Variants in CPEB3 observed in about 807,000 individuals in gnomAD.
CPEB3 encodes the protein cytoplasmic polyadenylation element binding protein 3.
CPEB3 carries 20 observed loss-of-function variants against 67.2 expected under a neutral mutation model. The ratio of observed to expected loss-of-function variants is 0.30; its 90% CI spans 0.21 to 0.43. CPEB3 has a LOEUF of 0.43. CPEB3 is among the 20% of genes least tolerant of loss of function. CPEB3 has a pLI of 1.00. For missense variants in CPEB3, 746 were observed against 968.6 expected (o/e 0.77, Z 3.05); for synonymous variants, 376 against 393.1 (o/e 0.96, Z 0.51).
chr10:92,221,106 G>C (rs1850677977), intron 2 of CPEB3, among the ~76,000 whole-genome samples: 1 of 152,208 alleles, frequency 6.6e-6, no homozygotes, highest in Non-Finnish European at 1.5e-5. Flanking sequence ...CCTAAAGAGA[G>C]GAGGTCATTT....
In CPEB3 at chr10:92,052,329, C is replaced by T; in HGVS notation, c.1980G>A (p.Gln660=). The T allele has an allele frequency of 6.2e-7, 1 of 1,614,236 alleles. No individual in the cohort carries two copies. The highest frequency in any genetic ancestry group is 8.5e-7 in the Non-Finnish European group (1 of 1,180,052). ...TCGCCCAGCAGTATTCACAGTAATA[C>T]TGCAGACAGGTGACGTTGGCACAGA... ...PFFCANVTCL[Q]YYCEYCWASI... is the part of the protein sequence containing the mutation. Residue 660 remains glutamine (Q), a synonymous_variant, in exon 10 of 10, where the codon CAG becomes CAA. Transcript: ENST00000265997.
chr10:92,098,771 T>A (rs1041692153), intron 7 of CPEB3, among the ~76,000 whole-genome samples: 2 of 117,626 alleles, frequency 1.7e-5, no homozygotes, highest in Non-Finnish European at 3.3e-5. Flanking sequence ...TCTTTTTTTC[T>A]TTTTTTTTTT....
At chr10:92,121,233 T>A (rs1313289869) in intron 6 of CPEB3, among the ~76,000 whole-genome samples, 1 of 148,920 alleles carries the variant, frequency 6.7e-6, no homozygotes, top group Admixed American at 6.7e-5. Context: ...TGGTCTTGAT[T>A]TCTTGACATG....
intron 6 of CPEB3, among the ~76,000 whole-genome samples, chr10:92,126,619 T>C (rs1375664946): frequency 1.3e-5 from 2 of 152,354 alleles, no homozygotes; most frequent in East Asian, 3.8e-4. Flanking sequence ...AGATGCTAAT[T>C]TTAATATAAA....
intron 2 of CPEB3, chr10:92,204,250 A>C (rs1849673671): frequency 1.3e-5 from 2 of 151,980 alleles, no homozygotes; most frequent in African/African-American, 2.4e-5. Flanking sequence ...CAGATTCACC[A>C]GAATCTGACA....
intron 7 of CPEB3, among the ~76,000 whole-genome samples, chr10:92,110,641 ATTTAAC>A (rs1344641207): frequency 6.6e-6 from 1 of 152,200 alleles, no homozygotes; most frequent in Non-Finnish European, 1.5e-5. Flanking sequence ...AGAAGGCTCT[ATTTAAC>A]TAGCTGTGGG....
At chr10:92,170,294 C>G (rs1847942071) in intron 4 of CPEB3, among the ~76,000 whole-genome samples, 1 of 152,182 alleles carries the variant, frequency 6.6e-6, no homozygotes, top group South Asian at 2.1e-4. Context: ...AATACAACTT[C>G]TCAATATATA....
At chr10:92,204,254 T>C (rs1395369130) in intron 2 of CPEB3, 1 of 151,980 alleles carries the variant, frequency 6.6e-6, no homozygotes. Flanking sequence ...TTCACCAGAA[T>C]CTGACAGGGG....
intron 6 of CPEB3, among the ~76,000 whole-genome samples, chr10:92,131,719 C>T (rs550950592): frequency 1.3e-5 from 2 of 152,238 alleles, no homozygotes; most frequent in Admixed American, 1.3e-4. Flanking sequence ...TCCCTTGTCA[C>T]CGGATGTCTC....
intron 2 of CPEB3, among the ~76,000 whole-genome samples, chr10:92,212,299 G>C (rs1369807480): frequency 1.3e-5 from 2 of 148,648 alleles, no homozygotes; most frequent in Non-Finnish European, 3.0e-5. Context: ...CAACAAGACA[G>C]TTGTACAGTG....
chr10:92,226,918 C>T (rs1301995545), intron 2 of CPEB3, among the ~76,000 whole-genome samples: 1 of 151,992 alleles, frequency 6.6e-6, no homozygotes, highest in African/African-American at 2.4e-5. Flanking sequence ...AGATGTCCGC[C>T]CCCTCCCCCT....
intron 2 of CPEB3, among the ~76,000 whole-genome samples, chr10:92,235,578 T>C (rs1438088739): frequency 2.6e-5 from 4 of 152,252 alleles, no homozygotes; most frequent in Non-Finnish European, 4.4e-5. Context: ...CTACGCACTT[T>C]ATATTTAGTT....
At chr10:92,150,309 C>A (rs1846903311) in intron 4 of CPEB3, among the ~76,000 whole-genome samples, 1 of 149,274 alleles carries the variant, frequency 6.7e-6, no homozygotes, top group East Asian at 2.0e-4. Context: ...CCAGGTTGGT[C>A]TTGAACTCCT....
chr10:92,142,570 A>ACT (rs1001441323), intron 6 of CPEB3, among the ~76,000 whole-genome samples: 3 of 152,210 alleles, frequency 2.0e-5, no homozygotes, highest in Non-Finnish European at 4.4e-5. Context: ...AGGCTAAGTC[A>ACT]CTTAATATAC....
chr10:92,277,820 G>A (rs1251942208), intron 1 of CPEB3, among the ~76,000 whole-genome samples: 1 of 152,040 alleles, frequency 6.6e-6, no homozygotes, highest in Non-Finnish European at 1.5e-5. Flanking sequence ...GAACGCGGGA[G>A]GTGGAGGTTG....
At chr10:92,197,031 T>A (rs1019949640) in intron 2 of CPEB3, among the ~76,000 whole-genome samples, 2 of 152,032 alleles carry the variant, frequency 1.3e-5, no homozygotes, top group African/African-American at 4.8e-5. Flanking sequence ...TACCATAATA[T>A]TAGGGAGAAC....
intron 8 of CPEB3, among the ~76,000 whole-genome samples, chr10:92,082,264 CTTTGTTTG>C (rs59306760): frequency 0.019 from 2,923 of 150,852 alleles, 85 homozygotes; most frequent in African/African-American, 0.062. Context: ...CTAAATATGC[CTTTGTTTG>C]TTTGTTTGTT....
At chr10:92,065,921 C>T (rs1842528695) in intron 9 of CPEB3, among the ~76,000 whole-genome samples, 1 of 151,848 alleles carries the variant, frequency 6.6e-6, no homozygotes, top group South Asian at 2.1e-4. Context: ...TGCTGAGACC[C>T]CCCCTCTCTA....
rs1325735452 is a variant in CPEB3 at position 92,048,896 on chromosome 10, AAAT to A, written c.*3313_*3315del. On this transcript the variant is annotated 3_prime_UTR_variant, in exon 10 of 10. Coordinates refer to ENST00000265997, the MANE Select transcript of CPEB3 (RefSeq NM_014912.5). This position sits in a 1 kb window ranked among gnomAD's most constrained non-coding sequence, Gnocchi z 4.1. ...ATTAATTTATTCCAATAAAAATACA[AAAT>A]AATATTATGACATTGACCAGATATG... 3 of 152,656 alleles carry A rather than the reference AAAT, an allele frequency of 2.0e-5. No homozygotes were observed. Among genetic ancestry groups the A allele is most frequent in the East Asian group, 3.8e-4 (2 of 5,208 alleles). 9.5% of individuals were successfully genotyped at this position (152,656 alleles called of 1,614,324 possible). A position where few individuals can be genotyped will look rare whatever the true frequency, so the allele number is the denominator to read the frequency against.
Sources: gnomAD v4.1 joint callset for allele counts (sites outside exome capture counted in the v4.1 genomes callset) on GRCh38, gnomAD v4.1.1 for gene constraint, Gnocchi (gnomAD v3.1) non-coding constraint, MANE v1.5 for transcripts, NCBI Gene and HGNC (gene_info 2026-07-23, HGNC 2026-07-21) for gene names.